ARID1B: variants seen among roughly 807,000 people sequenced by gnomAD.
ARID1B encodes the protein AT-rich interaction domain 1B, also known as AT-rich interactive domain-containing protein 1B.
Under a neutral mutation model 212.3 loss-of-function variants are expected in ARID1B, and 30 were observed. The observed-to-expected ratio is 0.14, with a 90% CI of 0.11 to 0.19. The LOEUF is 0.19. Among genes scored for constraint, ARID1B ranks in the 10% least tolerant of loss-of-function variants. ARID1B has a pLI of 1.00. For synonymous variants in ARID1B, 1,402 were observed against 1,301.7 expected (o/e 1.08, Z -1.66); for missense variants, 2,891 against 3,204.0 (o/e 0.90, Z 2.36).
At chr6:157,040,134 T>G (rs1162134367) in intron 4 of ARID1B, among the ~76,000 whole-genome samples, 1 of 152,094 alleles carries the variant, frequency 6.6e-6, no homozygotes, top group Non-Finnish European at 1.5e-5. Flanking sequence ...GAGACGGGGT[T>G]TCACCATGTT....
At chr6:156,872,168 A>G (rs1786185885) in intron 2 of ARID1B, among the ~76,000 whole-genome samples, 1 of 152,134 alleles carries the variant, frequency 6.6e-6, no homozygotes, top group Non-Finnish European at 1.5e-5. Context: ...CTGAACTACA[A>G]TTTCTTTTTT....
chr6:157,037,476 G>C (rs1427564343), intron 4 of ARID1B, among the ~76,000 whole-genome samples: 1 of 152,170 alleles, frequency 6.6e-6, no homozygotes, highest in Non-Finnish European at 1.5e-5. Context: ...TCCCTGGGCT[G>C]AGTTTTGAGG....
intron 5 of ARID1B, among the ~76,000 whole-genome samples, chr6:157,105,842 C>T (rs1016291089): frequency 5.3e-5 from 8 of 152,150 alleles, no homozygotes; most frequent in East Asian, 1.9e-4. Context: ...CTTCATGATC[C>T]GCCCGCCTCA....
chr6:157,202,777 T>TC (rs535205395), intron 18 of ARID1B, among the ~76,000 whole-genome samples: 1 of 150,504 alleles, frequency 6.6e-6, no homozygotes, highest in African/African-American at 2.4e-5. Context: ...ATATATAGAA[T>TC]ATGTGTGTGT....
At chr6:157,018,943 G>A (rs1780066822) in intron 4 of ARID1B, among the ~76,000 whole-genome samples, 1 of 152,136 alleles carries the variant, frequency 6.6e-6, no homozygotes, top group African/African-American at 2.4e-5. Flanking sequence ...AATGTACAGG[G>A]AAAGTGAAGG....
chr6:157,039,666 C>CTTCTTTCT (rs1781627460), intron 4 of ARID1B, among the ~76,000 whole-genome samples: 160 of 49,376 alleles, frequency 3.2e-3, no homozygotes, highest in African/African-American at 0.022. Context: ...TCCTTCCTTC[C>CTTCTTTCT]TTCCTTCCTT....
chr6:156,891,532 A>T (rs1462290835), intron 2 of ARID1B, among the ~76,000 whole-genome samples: 7 of 152,222 alleles, frequency 4.6e-5, no homozygotes, highest in African/African-American at 1.7e-4. Context: ...GAGGCTGTTA[A>T]TTCTTTATAC....
At chr6:156,880,438 A>T (rs10457936) in intron 2 of ARID1B, among the ~76,000 whole-genome samples, 42,800 of 152,130 alleles carry the variant, frequency 0.28, 6,198 homozygotes, top group Non-Finnish European at 0.33. Context: ...TAAGTTTTGC[A>T]TAAGACAAAT....
At chr6:157,139,233 G>A (rs75224230) in intron 7 of ARID1B, among the ~76,000 whole-genome samples, 6 of 152,244 alleles carry the variant, frequency 3.9e-5, no homozygotes, top group East Asian at 1.9e-4. Context: ...CCGTGTGACC[G>A]AGCGCACCAC....
intron 4 of ARID1B, among the ~76,000 whole-genome samples, chr6:157,004,791 C>T (rs1412445874): frequency 6.6e-6 from 1 of 151,152 alleles, no homozygotes; most frequent in East Asian, 1.9e-4. Flanking sequence ...AATTATGTCA[C>T]TTTTCAGCAG....
chr6:157,115,528 G>A (rs1234853712), intron 6 of ARID1B, among the ~76,000 whole-genome samples: 16 of 152,140 alleles, frequency 1.1e-4, no homozygotes, highest in Admixed American at 9.8e-4. Flanking sequence ...CCGGGTTCAC[G>A]CCATTCTCCT....
chr6:157,131,464 C>A (rs1319408663), intron 6 of ARID1B, among the ~76,000 whole-genome samples: 1 of 151,954 alleles, frequency 6.6e-6, no homozygotes, highest in Non-Finnish European at 1.5e-5. Context: ...GAGAGCAGAT[C>A]GTGGGCGAGC....
chr6:157,083,404 G>A (rs1482175218), intron 4 of ARID1B, among the ~76,000 whole-genome samples: 1 of 152,158 alleles, frequency 6.6e-6, no homozygotes, highest in African/African-American at 2.4e-5. Context: ...CATTGCAACG[G>A]GGATGCACTG....
intron 8 of ARID1B, chr6:157,166,796 C>G (rs1313347233): frequency 2.5e-6 from 1 of 401,032 alleles, no homozygotes; most frequent in Non-Finnish European, 4.4e-6. Flanking sequence ...GAACACTTGA[C>G]ATGATTAAAA....
chr6:156,873,981 G>C (rs1467948687), intron 2 of ARID1B, among the ~76,000 whole-genome samples: 1 of 152,230 alleles, frequency 6.6e-6, no homozygotes, highest in Admixed American at 6.5e-5. Context: ...TGGAACCATA[G>C]TATCCTCAGG....
chr6:156,951,983 A>C (rs984710540), intron 4 of ARID1B, among the ~76,000 whole-genome samples: 3 of 152,216 alleles, frequency 2.0e-5, no homozygotes, highest in African/African-American at 7.2e-5. Context: ...TTGCTTAACT[A>C]CTTTGTTACT....
intron 1 of ARID1B, among the ~76,000 whole-genome samples, chr6:156,805,722 G>C (rs1328572924): frequency 6.6e-6 from 1 of 151,968 alleles, no homozygotes; most frequent in African/African-American, 2.4e-5. Context: ...TTTAGAGACA[G>C]TGGAGTGCAG....
chr6:157,055,571 C>G (rs1478809770), intron 4 of ARID1B, among the ~76,000 whole-genome samples: 3 of 152,150 alleles, frequency 2.0e-5, no homozygotes, highest in African/African-American at 7.2e-5. Flanking sequence ...TTTGAAAATT[C>G]TTACAGATCT....
rs1582953924 is a variant in ARID1B at position 156,922,108 on chromosome 6, C to A, written c.2137-13358C>A. Reference sequence around the variant, plus strand: ...AGGTCACTGTCATGCCACTTGCAACCCCCCATGGTATTCATCTAAGTGAAG... The same window carrying A: ...AGGTCACTGTCATGCCACTTGCAACACCCCATGGTATTCATCTAAGTGAAG... On this transcript the variant is annotated intron_variant, in intron 3 of 19. Coordinates refer to ENST00000636930, the MANE Select transcript of ARID1B (RefSeq NM_001374828.1). Among the ~76,000 whole-genome samples, 3 of 152,130 alleles carry A rather than the reference C, an allele frequency of 2.0e-5. No individual in the cohort carries two copies. The East Asian group carries it at 5.8e-4, about 29-fold the overall frequency.
Sources: allele counts gnomAD v4.1 joint callset (sites outside exome capture counted in the v4.1 genomes callset), GRCh38; gene constraint gnomAD v4.1.1; transcripts MANE v1.5; gene names NCBI Gene and HGNC (gene_info 2026-07-23, HGNC 2026-07-21).